The following CHN2 variants were observed in gnomAD, a reference collection of about 807,000 sequenced individuals.
CHN2 encodes the protein chimerin 2, also known as beta-chimaerin.
Under a neutral mutation model 56.3 loss-of-function variants are expected in CHN2, and 35 were observed. The ratio of observed to expected loss-of-function variants is 0.62; its 90% CI spans 0.47 to 0.82. CHN2 has a LOEUF of 0.82. Among genes scored for constraint, CHN2 ranks in the 40% least tolerant of loss-of-function variants. The pLI is 0.00. For missense variants in CHN2, 491 were observed against 580.5 expected, an observed-to-expected ratio of 0.85 and a Z score of 1.58; for synonymous variants, 210 against 212.8, an observed-to-expected ratio of 0.99 and a Z score of 0.12.
Position 29,469,122 on chromosome 7 carries a change from C to T in CHN2, c.577-11157C>T, listed in dbSNP as rs139640882. ...TAGCTGCTCGTGCCCAAAACTGCAC[C>T]ATTACCTGGAATTCTTTCTTTCATG... On this transcript the variant is annotated intron_variant, in intron 6 of 12. Transcript: ENST00000222792. 1.4e-4 allele frequency among the ~76,000 whole-genome samples: 21 copies of T among 152,276 alleles called. No homozygotes were observed. In the East Asian group the frequency reaches 4.1e-3, roughly 29 times the overall value.
chr7:29,242,501 C>T (rs1341489611), intron 1 of CHN2, among the ~76,000 whole-genome samples: 4 of 151,934 alleles, frequency 2.6e-5, no homozygotes, highest in East Asian at 3.9e-4. Context: ...AGGCATCAGC[C>T]GTTTGCTTGC....
rs184153645 is a variant in CHN2 at position 29,347,566 on chromosome 7, A to C, written c.50-7059A>C. Among the ~76,000 whole-genome samples, 568 of 152,258 alleles carry C rather than the reference A, an allele frequency of 3.7e-3. 3 individuals are homozygous for C. The highest frequency in any genetic ancestry group is 0.013 in the African/African-American group (529 of 41,554). On this transcript the variant is annotated intron_variant, in intron 1 of 12. Coordinates refer to ENST00000222792, the MANE Select transcript of CHN2 (RefSeq NM_004067.4). ...ACTTTTAAGCCATCAAATCTCGTGA[A>C]AACTCACCCACTATCATCAGAACAG... is the stretch of plus-strand genomic sequence containing the variant.
At chr7:29,497,154 G>T (rs536979291) in intron 8 of CHN2, among the ~76,000 whole-genome samples, 4 of 152,136 alleles carry the variant, frequency 2.6e-5, no homozygotes, top group African/African-American at 7.2e-5. Flanking sequence ...ATGTTTAAGG[G>T]GTGGTCAACA....
chr7:29,418,775 C>G (rs1338585646), intron 6 of CHN2, among the ~76,000 whole-genome samples: 1 of 152,150 alleles, frequency 6.6e-6, no homozygotes, highest in Non-Finnish European at 1.5e-5. Flanking sequence ...CCAGACCTGC[C>G]AGGATGGTGC....
At chr7:29,173,028 G>A (rs1235208546) in intron 2 of CHN2, among the ~76,000 whole-genome samples, 1 of 151,830 alleles carries the variant, frequency 6.6e-6, no homozygotes, top group Admixed American at 6.6e-5. Context: ...CCACTCAGGA[G>A]CCTGGGGAAG....
intron 2 of CHN2, among the ~76,000 whole-genome samples, chr7:29,164,917 TATG>T (rs1795712683): frequency 1.3e-5 from 2 of 152,186 alleles, no homozygotes; most frequent in African/African-American, 4.8e-5. Flanking sequence ...TATCTATCAT[TATG>T]ATAATACCAC....
intron 4 of CHN2, among the ~76,000 whole-genome samples, chr7:29,396,238 T>C (rs1801729947): frequency 1.3e-5 from 2 of 151,466 alleles, no homozygotes; most frequent in Non-Finnish European, 2.9e-5. Flanking sequence ...AGTTCAGGAG[T>C]TCGAGACCAC....
intron 7 of CHN2, among the ~76,000 whole-genome samples, chr7:29,482,974 A>C (rs942662918): frequency 4.0e-5 from 6 of 151,346 alleles, no homozygotes; most frequent in African/African-American, 1.2e-4. Flanking sequence ...GGCGCCCGCC[A>C]ACACACCCGG....
chr7:29,346,159 C>T (rs1452914636), intron 1 of CHN2, among the ~76,000 whole-genome samples: 2 of 152,172 alleles, frequency 1.3e-5, no homozygotes, highest in South Asian at 2.1e-4. Flanking sequence ...CAGGTAGTCT[C>T]GCAGCTCAGG....
chr7:29,380,533 T>C (rs1435438409), intron 3 of CHN2, among the ~76,000 whole-genome samples: 1 of 152,240 alleles, frequency 6.6e-6, no homozygotes, highest in Non-Finnish European at 1.5e-5. Flanking sequence ...TCACTTTGAA[T>C]ACTTAATACT....
intron 3 of CHN2, among the ~76,000 whole-genome samples, chr7:29,369,003 C>G (rs1799396586): frequency 6.6e-6 from 1 of 152,106 alleles, no homozygotes; most frequent in Non-Finnish European, 1.5e-5. Flanking sequence ...CTTGTCCTGT[C>G]ACTAACTCTG....
At chr7:29,202,838 T>G (rs531512951) in intron 1 of CHN2, among the ~76,000 whole-genome samples, 1 of 152,322 alleles carries the variant, frequency 6.6e-6, no homozygotes, top group East Asian at 1.9e-4. Context: ...TCTTACATGA[T>G]GTTGCTTCCA....
intron 2 of CHN2, among the ~76,000 whole-genome samples, chr7:29,156,406 A>G (rs1028016193): frequency 6.6e-6 from 1 of 152,196 alleles, no homozygotes. Flanking sequence ...GAGGCACTGT[A>G]CCATCAAGCT....
intron 2 of CHN2, among the ~76,000 whole-genome samples, chr7:29,186,290 G>C (rs1798699752): frequency 6.6e-6 from 1 of 152,064 alleles, no homozygotes; most frequent in Admixed American, 6.6e-5. Flanking sequence ...GGTTCAAATT[G>C]AAAAACATAA....
chr7:29,374,695 C>T (rs1176277215), intron 3 of CHN2, among the ~76,000 whole-genome samples: 1 of 151,976 alleles, frequency 6.6e-6, no homozygotes, highest in African/African-American at 2.4e-5. Flanking sequence ...TAAGATGAGG[C>T]AAAAGTAGAA....
intron 6 of CHN2, among the ~76,000 whole-genome samples, chr7:29,468,155 C>G (rs981080369): frequency 9.0e-6 from 1 of 111,606 alleles, no homozygotes; most frequent in South Asian, 4.2e-4. Flanking sequence ...CCCCCCCCCC[C>G]GCCCGACTAC....
intron 3 of CHN2, among the ~76,000 whole-genome samples, chr7:29,376,025 A>G (rs1800049636): frequency 6.6e-6 from 1 of 152,356 alleles, no homozygotes; most frequent in Admixed American, 6.5e-5. Flanking sequence ...TTTGCTCCAG[A>G]TAAGCCATGT....
At position 29,230,022 on chromosome 7, in the gene CHN2, C is replaced by A. The variant is rs112789382; in HGVS notation, c.49+35032C>A. Among the ~76,000 whole-genome samples the A allele has an allele frequency of 3.5e-3, 538 of 152,184 alleles. 3 individuals carry two copies. Among genetic ancestry groups the A allele is most frequent in the African/African-American group, 0.012 (507 of 41,506 alleles). ...ATAAATAAGTTTTATTGGAATCCAG[C>A]CATGCCCATTTGTTTAGGTATTGTC... is the stretch of plus-strand genomic sequence containing the variant. On this transcript the variant is annotated intron_variant, in intron 1 of 12. Coordinates refer to ENST00000222792, the MANE Select transcript of CHN2 (RefSeq NM_004067.4).
At position 29,401,141 on chromosome 7, in the gene CHN2, G is replaced by A. The variant is rs528318346; in HGVS notation, c.576+313G>A. ...AAATCAGCCGGGTGTGGTGGTGGGC[G>A]CCTGTAGTCCCAGTTACTTGGGAGG... is the stretch of plus-strand genomic sequence containing the variant. On this transcript the variant is annotated intron_variant, in intron 6 of 12. Coordinates refer to ENST00000222792, the MANE Select transcript of CHN2 (RefSeq NM_004067.4). 91 of 286,032 alleles carry A rather than the reference G, an allele frequency of 3.2e-4. 1 individual carries two copies. The South Asian group carries it at 3.3e-3, about 10-fold the overall frequency. The allele number at this position is 286,032 out of a possible 1,614,324, so 17.7% of individuals were successfully genotyped here. A position where few individuals can be genotyped will look rare whatever the true frequency, so the allele number is the denominator to read the frequency against.
Sources: gnomAD v4.1 joint callset for allele counts (sites outside exome capture counted in the v4.1 genomes callset) on GRCh38, gnomAD v4.1.1 for gene constraint, MANE v1.5 for transcripts, NCBI Gene and HGNC (gene_info 2026-07-23, HGNC 2026-07-21) for gene names.